Variants in SERINC5 observed in about 807,000 individuals in gnomAD.
SERINC5 encodes the protein chromosome 5 open reading frame 12.
In SERINC5, 41 loss-of-function variants were observed where a neutral mutation model predicts 63.1. The observed-to-expected ratio is 0.65, with a 90% confidence interval of 0.51 to 0.84. The LOEUF is 0.84. Ranked by LOEUF, SERINC5 falls within the 40% of genes least tolerant of loss-of-function variation. The pLI, the probability that SERINC5 is intolerant of heterozygous loss-of-function variation, is 0.00. For missense variants in SERINC5, 523 were observed against 573.0 expected (o/e 0.91, Z 0.89); for synonymous variants, 222 against 215.2 (o/e 1.03, Z -0.28).
At chr5:80,218,266 C>G (rs1428811604) in intron 1 of SERINC5, among the ~76,000 whole-genome samples, 1 of 152,188 alleles carries the variant, frequency 6.6e-6, no homozygotes, top group South Asian at 2.1e-4. Flanking sequence ...CCTGGCTGGG[C>G]GCAGTGGCTC....
intron 8 of SERINC5, among the ~76,000 whole-genome samples, chr5:80,155,394 G>A (rs1385260167): frequency 3.3e-5 from 5 of 152,148 alleles, no homozygotes; most frequent in South Asian, 2.1e-4. Flanking sequence ...GTGAAACCCC[G>A]TCTCTACTAA....
In SERINC5 at chr5:80,143,294, T is replaced by C. The variant is rs1745621191; in HGVS notation, c.*369A>G. The C allele has an allele frequency of 9.9e-7, 1 of 1,007,808 alleles. No homozygotes were observed. Among genetic ancestry groups the C allele is most frequent in the Non-Finnish European group, 1.2e-6 (1 of 844,050 alleles). 62.4% of individuals were successfully genotyped at this position (1,007,808 alleles called of 1,614,324 possible). Reference sequence around the variant, plus strand: ...GACTCAAGATTTTGGCATGTTTTTCTATTCCGAGGATGAGAATGACTGGCC... The same window carrying C: ...GACTCAAGATTTTGGCATGTTTTTCCATTCCGAGGATGAGAATGACTGGCC... On this transcript the variant is annotated 3_prime_UTR_variant, in exon 12 of 12. Transcript: ENST00000507668.
intron 1 of SERINC5, among the ~76,000 whole-genome samples, chr5:80,238,103 C>CAAAAAAAA (rs759062486): frequency 7.6e-5 from 5 of 65,654 alleles, no homozygotes; most frequent in Non-Finnish European, 1.5e-4. Context: ...GACTCTGTCT[C>CAAAAAAAA]AAAAAAAAAA....
At position 80,142,026 on chromosome 5, in the gene SERINC5, T is replaced by A; in HGVS notation, c.*1637A>T. The A allele has an allele frequency of 1.0e-6, 1 of 985,458 alleles. No homozygotes were observed. Among genetic ancestry groups the A allele is most frequent in the Non-Finnish European group, 1.2e-6 (1 of 829,942 alleles). The allele number at this position is 985,458 out of a possible 1,614,324, so 61.0% of individuals were successfully genotyped here. A position where few individuals can be genotyped will look rare whatever the true frequency, so the allele number is the denominator to read the frequency against. On this transcript the variant is annotated 3_prime_UTR_variant, in exon 12 of 12. Coordinates refer to ENST00000507668, the MANE Select transcript of SERINC5 (RefSeq NM_001174072.3). ...GCATTTTGGCACACAGAAGCCCAGC[T>A]TAGGTGGCACTCAATTCTGCCCAAC...
At chr5:80,127,930 TA>T (rs1222606423) in intron 11 of SERINC5, among the ~76,000 whole-genome samples, 2 of 152,064 alleles carry the variant, frequency 1.3e-5, no homozygotes, top group African/African-American at 4.8e-5. Context: ...ATACTGAACT[TA>T]AAAAGTTTAA....
In SERINC5 at chr5:80,158,949, A is replaced by G. The variant is rs1455084884; in HGVS notation, c.873T>C (p.His291=). The G allele has an allele frequency of 1.2e-6, 2 of 1,613,650 alleles. No individual in the cohort carries two copies. Among genetic ancestry groups the G allele is most frequent in the East Asian group, 4.5e-5 (2 of 44,874 alleles). ...SKPAEVVLDE[H]GKNVTICVPD... ...GCACACAGATTGTAACATTTTTCCC[A>G]TGTTCATCTAGAACTTGAAAAGAAA... is the stretch of plus-strand genomic sequence containing the variant. The change falls in exon 8 of 12, where the codon CAT becomes CAC. Residue 291 remains histidine, a synonymous_variant. Transcript: ENST00000507668.
At chr5:80,245,951 G>C (rs576197416) in intron 1 of SERINC5, among the ~76,000 whole-genome samples, 2 of 131,486 alleles carry the variant, frequency 1.5e-5, no homozygotes, top group African/African-American at 5.8e-5. Flanking sequence ...TTACTTTAGG[G>C]ATTGTCAGCT....
In SERINC5 at chr5:80,175,037, A is replaced by G; in HGVS notation, c.468T>C (p.Tyr156=). ...AGAGGAAGCCTCCGACGGCTCCCACATAGCGCCAGGCTGCAAAAGACCATG... is the reference window on the plus strand; with the variant it reads ...AGAGGAAGCCTCCGACGGCTCCCACGTAGCGCCAGGCTGCAAAAGACCATG... ...DQDTFLNAWR[Y]VGAVGGFLFI... The change falls in exon 5 of 12, where the codon TAT becomes TAC. Residue 156 remains tyrosine, a synonymous_variant. Coordinates refer to ENST00000507668, the MANE Select transcript of SERINC5 (RefSeq NM_001174072.3). 2 of 1,593,872 alleles carry G rather than the reference A, an allele frequency of 1.3e-6. No homozygotes were observed. Among genetic ancestry groups the G allele is most frequent in the East Asian group, 2.3e-5 (1 of 44,018 alleles).
At chr5:80,159,918 T>C (rs1339098903) in intron 7 of SERINC5, among the ~76,000 whole-genome samples, 1 of 152,180 alleles carries the variant, frequency 6.6e-6, no homozygotes, top group East Asian at 1.9e-4. Flanking sequence ...TATTTTTACC[T>C]GCCTGTTTAT....
At chr5:80,123,406 G>T (rs1214657027) in intron 11 of SERINC5, among the ~76,000 whole-genome samples, 1 of 152,204 alleles carries the variant, frequency 6.6e-6, no homozygotes, top group African/African-American at 2.4e-5. Flanking sequence ...ACAGGCGTGA[G>T]CCTCCATGCC....
intron 2 of SERINC5, among the ~76,000 whole-genome samples, chr5:80,193,814 C>T (rs1749340726): frequency 6.6e-6 from 1 of 152,196 alleles, no homozygotes; most frequent in South Asian, 2.1e-4. Flanking sequence ...TAGGAGGGTA[C>T]AGGGACTCCT....
At chr5:80,170,422 A>G (rs1747574512) in intron 5 of SERINC5, among the ~76,000 whole-genome samples, 1 of 152,160 alleles carries the variant, frequency 6.6e-6, no homozygotes, top group Non-Finnish European at 1.5e-5. Flanking sequence ...GTAGAGATCT[A>G]GCTAATGTGT....
chr5:80,153,400 G>C lies in SERINC5; in HGVS notation c.987-2452C>G, dbSNP rs559730741. ...TTGAACCCGGGAGGCAGATGTTGCA[G>C]GAAAAAAAAAAAGATCTTTATTCAG... On this transcript the variant is annotated intron_variant, in intron 8 of 11. Transcript: ENST00000507668. Among the ~76,000 whole-genome samples, 3 of 149,002 alleles carry C rather than the reference G, an allele frequency of 2.0e-5. No homozygotes were observed. The South Asian group carries it at 6.3e-4, about 31-fold the overall frequency.
chr5:80,193,950 C>T (rs1332361701), intron 2 of SERINC5, among the ~76,000 whole-genome samples: 3 of 152,202 alleles, frequency 2.0e-5, no homozygotes, highest in Non-Finnish European at 2.9e-5. Context: ...AGAGGCAAAA[C>T]CTCAAAGCCA....
intron 1 of SERINC5, among the ~76,000 whole-genome samples, chr5:80,228,727 C>T (rs1173704780): frequency 2.6e-5 from 4 of 152,218 alleles, no homozygotes; most frequent in Middle Eastern, 6.8e-3. Flanking sequence ...CCATGCCCAG[C>T]CAGGACAAAA....
chr5:80,161,027 TAC>T (rs933536054), intron 7 of SERINC5, among the ~76,000 whole-genome samples: 2 of 121,286 alleles, frequency 1.6e-5, no homozygotes, highest in Non-Finnish European at 3.1e-5. Context: ...TGTATATATA[TAC>T]ACACGTGTAT....
At chr5:80,169,635 G>A in intron 5 of SERINC5, 89 bp from the exon 6 acceptor site, 1 of 999,960 alleles carries the variant, frequency 1.0e-6, no homozygotes, top group Non-Finnish European at 1.5e-6. Context: ...CCATCCCTCA[G>A]GCAGTAACTA....
intron 1 of SERINC5, among the ~76,000 whole-genome samples, chr5:80,220,186 C>T (rs544964174): frequency 1.3e-5 from 2 of 149,950 alleles, no homozygotes; most frequent in African/African-American, 2.5e-5. Context: ...CCAGCCTGGG[C>T]GACAGAGCAA....
chr5:80,203,270 A>ATATATATATATATG (rs557176325), intron 1 of SERINC5: 3 of 200,816 alleles, frequency 1.5e-5, no homozygotes, highest in African/African-American at 7.2e-5. Context: ...ATATATATAT[A>ATATATATATATATG]TGTGTATATA....
Sources: gnomAD v4.1 joint callset for allele counts (sites outside exome capture counted in the v4.1 genomes callset) on GRCh38, gnomAD v4.1.1 for gene constraint, MANE v1.5 for transcripts, NCBI Gene and HGNC (gene_info 2026-07-23, HGNC 2026-07-21) for gene names.